Variants in IFT88 observed in about 807,000 individuals in gnomAD.
IFT88 encodes intraflagellar transport protein 88 homolog.
Under a neutral mutation model 119.5 loss-of-function variants are expected in IFT88, and 74 were observed. That is an observed-to-expected ratio of 0.62 (90% CI 0.51 to 0.75). IFT88 has a LOEUF of 0.75. Ranked by LOEUF, IFT88 falls within the 30% of genes least tolerant of loss-of-function variation. IFT88 has a pLI of 0.00. For synonymous variants in IFT88, 279 were observed against 316.7 expected (o/e 0.88, Z 1.26); for missense variants, 961 against 977.7 (o/e 0.98, Z 0.23).
Position 20,690,283 on chromosome 13 carries a change from G to A in IFT88, c.2243-422G>A, listed in dbSNP as rs142816897. On this transcript the variant is annotated intron_variant, in intron 24 of 25. Transcript: ENST00000351808. ...TTTAGAAAATATCACAGAAATTTCT[G>A]GTTAAAAAGTACTACTAACATTTCC... Among the ~76,000 whole-genome samples the A allele has an allele frequency of 1.4e-3, 212 of 152,194 alleles. 1 individual carries two copies. Among genetic ancestry groups the A allele is most frequent in the African/African-American group, 5.0e-3 (206 of 41,538 alleles).
At chr13:20,687,733 AAAAAG>A (rs944736863) in intron 24 of IFT88, among the ~76,000 whole-genome samples, 9 of 152,332 alleles carry the variant, frequency 5.9e-5, no homozygotes, top group African/African-American at 1.7e-4. Context: ...AAAAAAGAAA[AAAAAG>A]AAAAGAAGAA....
At chr13:20,689,097 C>G (rs912358563) in intron 24 of IFT88, among the ~76,000 whole-genome samples, 8 of 152,194 alleles carry the variant, frequency 5.3e-5, no homozygotes, top group African/African-American at 1.9e-4. Context: ...CCACGCCCGG[C>G]TAATTTTTGT....
chr13:20,634,429 G>A (rs1303299798), intron 16 of IFT88, among the ~76,000 whole-genome samples: 2 of 152,168 alleles, frequency 1.3e-5, no homozygotes, highest in African/African-American at 2.4e-5. Flanking sequence ...TTCTAGCTGG[G>A]TATGGTGGCT....
intron 15 of IFT88, among the ~76,000 whole-genome samples, chr13:20,630,549 G>A (rs1433285423): frequency 6.6e-6 from 1 of 152,022 alleles, no homozygotes; most frequent in Non-Finnish European, 1.5e-5. Flanking sequence ...GACTCCCAAG[G>A]ATCATTATTA....
chr13:20,568,684 A>G (rs1459370836), intron 1 of IFT88, among the ~76,000 whole-genome samples: 2 of 152,172 alleles, frequency 1.3e-5, no homozygotes, highest in Non-Finnish European at 2.9e-5. Flanking sequence ...TTAATTAAAA[A>G]TATTTTATAT....
chr13:20,688,481 T>C (rs1206962111), intron 24 of IFT88, among the ~76,000 whole-genome samples: 1 of 152,248 alleles, frequency 6.6e-6, no homozygotes, highest in Non-Finnish European at 1.5e-5. Context: ...AGAATACATA[T>C]TATATCTGTG....
At chr13:20,629,542 G>C (rs1365647751) in intron 15 of IFT88, among the ~76,000 whole-genome samples, 1 of 152,086 alleles carries the variant, frequency 6.6e-6, no homozygotes, top group African/African-American at 2.4e-5. Flanking sequence ...TAATTTGCTT[G>C]GCAACTTTAT....
At chr13:20,654,788 A>G (rs1217439692) in intron 21 of IFT88, among the ~76,000 whole-genome samples, 1 of 152,212 alleles carries the variant, frequency 6.6e-6, no homozygotes, top group African/African-American at 2.4e-5. Flanking sequence ...TATACATTCA[A>G]TTTATATCAA....
intron 17 of IFT88, among the ~76,000 whole-genome samples, 191 bp downstream of exon 17, chr13:20,638,709 C>T (rs971684998): frequency 2.6e-5 from 4 of 152,182 alleles, no homozygotes; most frequent in African/African-American, 9.6e-5. Flanking sequence ...AAGCTATGCA[C>T]ATGCAAAATT....
intron 14 of IFT88, among the ~76,000 whole-genome samples, chr13:20,616,446 T>A (rs1301626162): frequency 6.6e-6 from 1 of 152,224 alleles, no homozygotes; most frequent in African/African-American, 2.4e-5. Flanking sequence ...TTAGATAGAT[T>A]TAGATATACA....
At chr13:20,620,644 C>T (rs1321102251) in intron 14 of IFT88, among the ~76,000 whole-genome samples, 12 of 152,084 alleles carry the variant, frequency 7.9e-5, no homozygotes, top group Admixed American at 7.2e-4. Flanking sequence ...CGGCTCACTG[C>T]AACCTCCACC....
intron 3 of IFT88, among the ~76,000 whole-genome samples, chr13:20,588,705 T>A (rs1006362085): frequency 6.6e-6 from 1 of 152,232 alleles, no homozygotes; most frequent in Non-Finnish European, 1.5e-5. Flanking sequence ...GAAAGTTTAT[T>A]GGATAGCACA....
intron 24 of IFT88, among the ~76,000 whole-genome samples, chr13:20,681,280 CAGGT>C (rs543216837): frequency 4.8e-4 from 73 of 152,312 alleles, no homozygotes; most frequent in African/African-American, 1.5e-3. Flanking sequence ...TCCTGTTTGA[CAGGT>C]AGCCCAAACA....
intron 1 of IFT88, among the ~76,000 whole-genome samples, chr13:20,570,303 A>G (rs1248448492): frequency 6.6e-6 from 1 of 152,194 alleles, no homozygotes; most frequent in Non-Finnish European, 1.5e-5. Context: ...CACTTTGGAA[A>G]ACAGTCTAGC....
intron 15 of IFT88, among the ~76,000 whole-genome samples, chr13:20,626,831 G>C (rs79700122): frequency 1.5e-3 from 222 of 152,258 alleles, no homozygotes; most frequent in African/African-American, 5.2e-3. Flanking sequence ...TAACACCAGT[G>C]GTTAGTGTCA....
At chr13:20,581,537 G>T (rs184393150) in intron 2 of IFT88, among the ~76,000 whole-genome samples, 3 of 152,106 alleles carry the variant, frequency 2.0e-5, no homozygotes, top group Non-Finnish European at 4.4e-5. Flanking sequence ...ACTGAGAATC[G>T]TGTAATTTTA....
Position 20,656,404 on chromosome 13 carries a change from A to T in IFT88, c.2042A>T (p.His681Leu). Reference sequence around the variant, plus strand: ...GCATTAGATACTTACAAAGATACTCACAGAAAATTTCCAGAAAATGTCGAA... The same window carrying T: ...GCATTAGATACTTACAAAGATACTCTCAGAAAATTTCCAGAAAATGTCGAA... Reference protein sequence around the residue: ...QKALDTYKDTHRKFPENVECL... With the variant: ...QKALDTYKDTLRKFPENVECL... Residue 681 changes from histidine (H) to leucine (L), a missense_variant, in exon 22 of 26, where the codon CAC (histidine) becomes CTC (leucine). By Grantham distance (99) the His-to-Leu change is moderately conservative (BLOSUM62 -3). Transcript: ENST00000351808. 4 of 1,520,814 alleles carry T rather than the reference A, an allele frequency of 2.6e-6. No homozygotes were observed. The highest frequency in any genetic ancestry group is 3.6e-6 in the Non-Finnish European group (4 of 1,113,276). The allele number at this position is 1,520,814 out of a possible 1,614,324, so 94.2% of individuals were successfully genotyped here.
Position 20,690,738 on chromosome 13 carries a change from G to C in IFT88, c.2276G>C (p.Gly759Ala), listed in dbSNP as rs1566505247. 6.2e-7 allele frequency: 1 copy of C among 1,613,610 alleles called. No individual in the cohort carries two copies. Residue 759 changes from glycine to alanine, a missense_variant, in exon 25 of 26, where the codon GGT becomes GCT. Gly to Ala is a moderately conservative substitution (Grantham distance 60). Transcript: ENST00000351808. ...SGQNYSASSK[G>A]ERLSARLRAL... is the part of the protein sequence containing the mutation. ...CAGAACTATAGTGCCAGTAGTAAAG[G>C]TGAACGACTAAGTGCCAGACTCAGA...
chr13:20,583,541 A>G (rs532164802), intron 3 of IFT88, among the ~76,000 whole-genome samples: 2 of 152,302 alleles, frequency 1.3e-5, no homozygotes, highest in South Asian at 4.1e-4. Context: ...ATGTCTTATC[A>G]GATGTCTGAT....
Sources: allele counts gnomAD v4.1 joint callset (sites outside exome capture counted in the v4.1 genomes callset), GRCh38; gene constraint gnomAD v4.1.1; transcripts MANE v1.5; gene names NCBI Gene and HGNC (gene_info 2026-07-23, HGNC 2026-07-21).